Variants in AGTPBP1 observed in about 807,000 individuals in gnomAD.
The protein encoded by AGTPBP1 is cytosolic carboxypeptidase 1.
In AGTPBP1, 70 loss-of-function variants were observed where a neutral mutation model predicts 143.9. That is an observed-to-expected ratio of 0.49 (90% CI 0.40 to 0.59). The LOEUF (loss-of-function observed/expected upper bound fraction) is 0.59. Among genes scored for constraint, AGTPBP1 ranks in the 20% least tolerant of loss-of-function variants. The pLI is 0.00. For synonymous variants in AGTPBP1, 463 were observed against 500.2 expected, an observed-to-expected ratio of 0.93 and a Z score of 0.99; for missense variants, 1,229 against 1,464.5, an observed-to-expected ratio of 0.84 and a Z score of 2.62.
At position 85,655,194 on chromosome 9, in the gene AGTPBP1, C is replaced by T. The variant is rs760527514; in HGVS notation, c.1036G>A (p.Val346Ile). 3 of 1,613,382 alleles carry T rather than the reference C, an allele frequency of 1.9e-6. No homozygotes were observed. Among genetic ancestry groups the T allele is most frequent in the South Asian group, 2.2e-5 (2 of 90,990 alleles). Residue 346 changes from valine (V) to isoleucine (I), a missense_variant, in exon 11 of 26, where the codon GTT becomes ATT. Around this residue, in one of 2 missense-constraint regions of AGTPBP1, gnomAD observed 743 missense variants for 812.2 expected, o/e 0.91. Transcript: ENST00000357081. ...GCCACAGGACCAGTCACAGGAATAACAGGCAACTGGAAATGAAAAGAACTT... is the reference window on the plus strand; with the variant it reads ...GCCACAGGACCAGTCACAGGAATAATAGGCAACTGGAAATGAAAAGAACTT... Reference protein sequence around the residue: ...IKSSFHFQLPVIPVTGPVAQL... With the variant: ...IKSSFHFQLPIIPVTGPVAQL...
chr9:85,743,855 C>T (rs1342937837), upstream of AGTPBP1, among the ~76,000 whole-genome samples: 1 of 152,144 alleles, frequency 6.6e-6, no homozygotes, highest in Non-Finnish European at 1.5e-5. Flanking sequence ...CACCATCTCT[C>T]CCGAGAACCT....
chr9:85,691,536 G>GGCGTGTGT (rs147512485), intron 3 of AGTPBP1, among the ~76,000 whole-genome samples: 2 of 144,480 alleles, frequency 1.4e-5, no homozygotes, highest in African/African-American at 5.1e-5. Flanking sequence ...AAAAAAAGAG[G>GGCGTGTGT]GTGTGTGTGT....
chr9:85,667,903 T>TAAAA (rs11433029), intron 8 of AGTPBP1, among the ~76,000 whole-genome samples: 54 of 99,304 alleles, frequency 5.4e-4, no homozygotes, highest in African/African-American at 1.2e-3. Context: ...AAGCCAACTG[T>TAAAA]AAAAAAAAAA....
At chr9:85,740,388 ATT>A (rs1824173876) in intron 1 of AGTPBP1, among the ~76,000 whole-genome samples, 1 of 152,254 alleles carries the variant, frequency 6.6e-6, no homozygotes, top group Admixed American at 6.5e-5. Flanking sequence ...AGCAAGTCAT[ATT>A]AGAACTCTGC....
intron 1 of AGTPBP1, among the ~76,000 whole-genome samples, chr9:85,717,659 T>C (rs953080303): frequency 6.6e-6 from 1 of 151,710 alleles, no homozygotes; most frequent in Non-Finnish European, 1.5e-5. Context: ...GGAGGCTTCA[T>C]GAATGGGATG....
intron 17 of AGTPBP1, among the ~76,000 whole-genome samples, chr9:85,599,726 AT>A (rs1829543239): frequency 6.6e-6 from 1 of 152,318 alleles, no homozygotes; most frequent in African/African-American, 2.4e-5. Context: ...CACTCTGTAC[AT>A]TTTCTGAATT....
the AGTPBP1 span, among the ~76,000 whole-genome samples, chr9:85,803,811 C>A: frequency 2.6e-5 from 4 of 152,186 alleles, no homozygotes; most frequent in Non-Finnish European, 5.9e-5. Context: ...ATGTCTAAAT[C>A]TAAACTGATC....
the AGTPBP1 span, among the ~76,000 whole-genome samples, chr9:85,749,861 G>A: frequency 6.7e-6 from 1 of 149,418 alleles, no homozygotes; most frequent in Non-Finnish European, 1.5e-5. Flanking sequence ...TGTGGAAGAG[G>A]GAATTAGAAG....
At position 85,677,564 on chromosome 9, in the gene AGTPBP1, C is replaced by A; in HGVS notation, c.308G>T (p.Ser103Ile). 6.4e-7 allele frequency: 1 copy of A among 1,552,574 alleles called. No individual in the cohort carries two copies. The highest frequency in any genetic ancestry group is 8.6e-7 in the Non-Finnish European group (1 of 1,156,234). ...LVSAGGGRRV[S>I]FLVTKGGSQI... ...TGAACCACCTTTGGTGACTAAGAAA[C>A]TCACTCTTCGACCTCCACCTAAAAA... is the stretch of plus-strand genomic sequence containing the variant. Residue 103 changes from serine (S) to isoleucine (I), a missense_variant, in exon 6 of 26, where the codon AGT (serine) becomes ATT (isoleucine). Physicochemically the swap from Ser to Ile is moderately radical, Grantham distance 142. Transcript: ENST00000357081.
chr9:85,656,559 A>G (rs766527910), intron 10 of AGTPBP1, among the ~76,000 whole-genome samples: 1 of 152,102 alleles, frequency 6.6e-6, no homozygotes, highest in Non-Finnish European at 1.5e-5. Context: ...TAACTGGCTG[A>G]TATTTTCAAA....
At chr9:85,653,718 T>G (rs1176968066) in intron 11 of AGTPBP1, among the ~76,000 whole-genome samples, 1 of 152,218 alleles carries the variant, frequency 6.6e-6, no homozygotes, top group African/African-American at 2.4e-5. Context: ...AATGCATTCC[T>G]AGAAGAGGGA....
In AGTPBP1 at chr9:85,591,843, A is replaced by T. The variant is rs192868975; in HGVS notation, c.2568+717T>A. Among the ~76,000 whole-genome samples the T allele has an allele frequency of 1.4e-4, 22 of 152,236 alleles. No homozygotes were observed. In the East Asian group the frequency reaches 4.3e-3, roughly 29 times the overall value. Reference sequence around the variant, plus strand: ...AGTGTTCCAATTTCTTTATTGGTAAATTGATCACATCTTCATGATCTTTGA... The same window carrying T: ...AGTGTTCCAATTTCTTTATTGGTAATTTGATCACATCTTCATGATCTTTGA... On this transcript the variant is annotated intron_variant, in intron 19 of 25. Transcript: ENST00000357081.
intron 1 of AGTPBP1, among the ~76,000 whole-genome samples, chr9:85,738,090 G>A (rs1205929484): frequency 6.6e-6 from 1 of 152,104 alleles, no homozygotes; most frequent in African/African-American, 2.4e-5. Flanking sequence ...TAAAAATAGG[G>A]TGTTTATATT....
chr9:85,789,771 G>A, the AGTPBP1 span, among the ~76,000 whole-genome samples: 1 of 152,178 alleles, frequency 6.6e-6, no homozygotes, highest in Non-Finnish European at 1.5e-5. Context: ...GGCCAGTAAA[G>A]TGAGGAATGC....
At chr9:85,655,953 G>T (rs533792609) in intron 10 of AGTPBP1, among the ~76,000 whole-genome samples, 1 of 152,042 alleles carries the variant, frequency 6.6e-6, no homozygotes, top group Non-Finnish European at 1.5e-5. Context: ...TCAGCCTCCC[G>T]AGTAGCTGGG....
chr9:85,610,822 T>C (rs1830268380), intron 17 of AGTPBP1, among the ~76,000 whole-genome samples: 1 of 152,234 alleles, frequency 6.6e-6, no homozygotes, highest in Admixed American at 6.5e-5. Context: ...TTGCTTACAA[T>C]GTTAAATTCT....
At chr9:85,740,195 C>A (rs1824156277) in intron 1 of AGTPBP1, among the ~76,000 whole-genome samples, 1 of 152,276 alleles carries the variant, frequency 6.6e-6, no homozygotes, top group Middle Eastern at 3.4e-3. Flanking sequence ...GATTTAAATG[C>A]TTTGCAATGT....
intron 15 of AGTPBP1, 112 bp downstream of exon 15, chr9:85,621,090 T>C (rs976747841): frequency 1.1e-4 from 55 of 502,298 alleles, no homozygotes; most frequent in Non-Finnish European, 1.9e-5. Flanking sequence ...TTTTTATTTA[T>C]TATTTTAAAA....
rs528525587 is a variant in AGTPBP1, at chr9:85,643,246, A to T, written c.1186-303T>A. On this transcript the variant is annotated intron_variant, in intron 12 of 25. Coordinates refer to ENST00000357081, the MANE Select transcript of AGTPBP1 (RefSeq NM_001330701.2). The stretch of plus-strand genomic sequence containing the variant: ...AGACTCCATTATGAAAAACATACAT[A>T]TATATGATGATGGTGATAATAAAAC... 3.3e-5 allele frequency among the ~76,000 whole-genome samples: 5 copies of T among 152,290 alleles called. No homozygotes were observed. The South Asian group carries it at 1.0e-3, about 32-fold the overall frequency.
Sources: gnomAD v4.1 joint callset for allele counts (sites outside exome capture counted in the v4.1 genomes callset) on GRCh38, gnomAD v4.1.1 for gene constraint, gnomAD v4.1.1 regional missense constraint, MANE v1.5 for transcripts, NCBI Gene and HGNC (gene_info 2026-07-23, HGNC 2026-07-21) for gene names.